Variants in AVEN observed in about 807,000 individuals in gnomAD.
AVEN encodes the protein apoptosis and caspase activation inhibitor.
AVEN carries 41 observed loss-of-function variants against 38.1 expected under a neutral mutation model. The observed-to-expected ratio is 1.08, with a 90% CI of 0.84 to 1.40. The LOEUF (loss-of-function observed/expected upper bound fraction) is 1.40. Ranked by LOEUF, AVEN falls within the 40% of genes most tolerant of loss-of-function variation. AVEN has a pLI of 0.00. For missense variants in AVEN, 605 were observed against 438.8 expected (o/e 1.38, Z -3.38); for synonymous variants, 206 against 171.8 (o/e 1.20, Z -1.56).
chr15:33,857,905 C>T, downstream of AVEN: 3 of 1,614,138 alleles, frequency 1.9e-6, no homozygotes, highest in Non-Finnish European at 1.7e-6. Flanking sequence ...AGTGCGACGA[C>T]ATGATGACGG....
intron 2 of AVEN, among the ~76,000 whole-genome samples, chr15:33,940,684 G>A (rs765052798): frequency 2.0e-5 from 3 of 152,208 alleles, no homozygotes; most frequent in South Asian, 2.1e-4. Flanking sequence ...TGGGACAACA[G>A]GCACCTGACA....
chr15:34,012,366 TA>T (rs1897674334), intron 1 of AVEN, among the ~76,000 whole-genome samples: 1 of 152,210 alleles, frequency 6.6e-6, no homozygotes, highest in Non-Finnish European at 1.5e-5. Flanking sequence ...GTCATCTGTA[TA>T]AAAAATATCT....
At chr15:33,919,137 G>A (rs944423168) in intron 2 of AVEN, among the ~76,000 whole-genome samples, 2 of 151,934 alleles carry the variant, frequency 1.3e-5, no homozygotes, top group African/African-American at 4.8e-5. Flanking sequence ...TGGCCAGGCT[G>A]GTCTCAAATG....
intron 5 of AVEN, among the ~76,000 whole-genome samples, chr15:34,052,850 A>C (rs533323053): frequency 6.6e-6 from 1 of 152,322 alleles, no homozygotes; most frequent in Non-Finnish European, 1.5e-5. Flanking sequence ...CAGAGAGGAC[A>C]CAAACAAATG....
chr15:34,035,431 C>A (rs1899067734), intron 1 of AVEN, among the ~76,000 whole-genome samples: 1 of 152,148 alleles, frequency 6.6e-6, no homozygotes, highest in Non-Finnish European at 1.5e-5. Context: ...CCTCCACACA[C>A]CCCTTTTTCA....
rs558991084 is a variant in AVEN at position 33,975,854 on chromosome 15, C to T, written c.445+27178G>A. ...CTGAGGCAGAAGAATCCCTTGAACC[C>T]GGGCAGCGGAGGTTACAGTGAGCCT... On this transcript the variant is annotated intron_variant, in intron 2 of 5. Coordinates refer to ENST00000306730, the MANE Select transcript of AVEN (RefSeq NM_020371.3). 7.9e-5 allele frequency among the ~76,000 whole-genome samples: 12 copies of T among 152,258 alleles called. 1 individual carries two copies. Among genetic ancestry groups the T allele is most frequent in the African/African-American group, 2.2e-4 (9 of 41,554 alleles).
chr15:33,974,366 T>C (rs1895778851), intron 2 of AVEN, among the ~76,000 whole-genome samples: 2 of 152,242 alleles, frequency 1.3e-5, no homozygotes, highest in African/African-American at 4.8e-5. Context: ...CTGTGAGGAA[T>C]GAATCTTTGC....
rs59027472 is a variant in AVEN, at chr15:33,900,308, A to ATT, written c.446-24315_446-24314dup. Among the ~76,000 whole-genome samples the ATT allele has an allele frequency of 6.5e-3, 963 of 147,814 alleles. 18 individuals are homozygous for ATT. Among genetic ancestry groups the ATT allele is most frequent in the African/African-American group, 0.023 (918 of 39,874 alleles). On this transcript the variant is annotated intron_variant, in intron 2 of 5. Transcript: ENST00000306730. ...AAAGTGGATAGAGTTTTGGGAGAACATTTTTTTTTTTTTTTTTGAGACAAA... is the reference window on the plus strand; with the variant it reads ...AAAGTGGATAGAGTTTTGGGAGAACATTTTTTTTTTTTTTTTTTTGAGACAAA...
At chr15:33,975,595 G>C (rs1174565730) in intron 2 of AVEN, among the ~76,000 whole-genome samples, 1 of 152,170 alleles carries the variant, frequency 6.6e-6, no homozygotes, top group Non-Finnish European at 1.5e-5. Flanking sequence ...TGTCATAATA[G>C]AACTCAGAAT....
intron 5 of AVEN, 27 bp downstream of exon 5, chr15:33,867,468 T>C (rs1890664228): frequency 6.5e-7 from 1 of 1,541,186 alleles, no homozygotes; most frequent in Admixed American, 2.1e-5. Context: ...GAATCAAGAT[T>C]CACGGGGAAT....
intron 2 of AVEN, among the ~76,000 whole-genome samples, chr15:33,934,194 C>T (rs1203770536): frequency 7.0e-6 from 1 of 142,670 alleles, no homozygotes; most frequent in African/African-American, 2.6e-5. Context: ...GGCAACATAG[C>T]AAGACCCCAT....
At chr15:33,917,465 T>C (rs566198179) in intron 2 of AVEN, among the ~76,000 whole-genome samples, 5 of 146,942 alleles carry the variant, frequency 3.4e-5, no homozygotes, top group East Asian at 4.1e-4. Context: ...CACATATATA[T>C]ACACATACAT....
intron 3 of AVEN, among the ~76,000 whole-genome samples, chr15:33,875,509 G>T (rs1352402812): frequency 6.6e-6 from 1 of 152,194 alleles, no homozygotes; most frequent in Non-Finnish European, 1.5e-5. Context: ...AATTGTAGGA[G>T]AAGTGTTATT....
intron 1 of AVEN, among the ~76,000 whole-genome samples, chr15:34,004,516 T>G (rs576129662): frequency 5.9e-5 from 9 of 152,314 alleles, no homozygotes; most frequent in Admixed American, 2.0e-4. Context: ...TGGGAAAAAG[T>G]AAATAATGAC....
Position 33,867,790 on chromosome 15 carries a change from C to T in AVEN, c.678G>A (p.Gly226=), listed in dbSNP as rs1049153621. 1.9e-6 allele frequency: 3 copies of T among 1,613,376 alleles called. No individual in the cohort carries two copies. Among genetic ancestry groups the T allele is most frequent in the Non-Finnish European group, 2.5e-6 (3 of 1,179,758 alleles). ...GCCCCAAGGGCCCCTTTAACTGCAT[C>T]CCTAATCCCTTGCCATCATCAGTTC... is the stretch of plus-strand genomic sequence containing the variant. ...PKRTDDGKGL[G]MQLKGPLGPG... Residue 226 remains glycine (G), a synonymous_variant, in exon 5 of 6, where the codon GGG becomes GGA. Coordinates refer to ENST00000306730, the MANE Select transcript of AVEN (RefSeq NM_020371.3).
At chr15:34,038,185 T>C (rs1422334274) in intron 1 of AVEN, among the ~76,000 whole-genome samples, 3 of 152,162 alleles carry the variant, frequency 2.0e-5, no homozygotes, top group Admixed American at 2.0e-4. Context: ...ACAGGCATAA[T>C]AAAAGAGAAC....
chr15:33,934,830 A>G (rs1258388238), intron 2 of AVEN, among the ~76,000 whole-genome samples: 1 of 152,184 alleles, frequency 6.6e-6, no homozygotes, highest in Admixed American at 6.5e-5. Flanking sequence ...CAATTGTGTG[A>G]CCTTGAGGAA....
rs3086294 is a variant in AVEN at position 33,933,524 on chromosome 15, CAGAGAGAGAGAGAGAGAGAGAGAGAG to C, written c.446-57555_446-57530del. 1.2e-3 allele frequency among the ~76,000 whole-genome samples: 54 copies of C among 46,586 alleles called. 1 individual carries two copies. Among genetic ancestry groups the C allele is most frequent in the Admixed American group, 9.7e-3 (31 of 3,194 alleles). 30.6% of individuals were successfully genotyped at this position (46,586 alleles called of 152,430 possible). The stretch of plus-strand genomic sequence containing the variant: ...ACACACACACACACACACACACACA[CAGAGAGAGAGAGAGAGAGAGAGAGAG>C]AGAGAGAGAGAGAGAGAGAGAGAGA... On this transcript the variant is annotated intron_variant, in intron 2 of 5. Transcript: ENST00000306730.
intron 2 of AVEN, among the ~76,000 whole-genome samples, chr15:33,894,417 A>C (rs1030616712): frequency 2.4e-4 from 36 of 151,790 alleles, no homozygotes; most frequent in Non-Finnish European, 1.8e-4. Flanking sequence ...TTTCTGGTAA[A>C]TGAAACTGAA....
Sources: allele counts gnomAD v4.1 joint callset (sites outside exome capture counted in the v4.1 genomes callset), GRCh38; gene constraint gnomAD v4.1.1; transcripts MANE v1.5; gene names NCBI Gene and HGNC (gene_info 2026-07-23, HGNC 2026-07-21).